GULP1: variants seen among roughly 807,000 people sequenced by gnomAD.
GULP1 encodes the protein PTB domain-containing engulfment adapter protein 1.
Under a neutral mutation model 40.9 loss-of-function variants are expected in GULP1, and 19 were observed. The ratio of observed to expected loss-of-function variants is 0.46; its 90% CI spans 0.32 to 0.68. The LOEUF is 0.68. Among genes scored for constraint, GULP1 ranks in the 30% least tolerant of loss-of-function variants. GULP1 has a pLI of 0.03. For missense variants in GULP1, 312 were observed against 362.2 expected, an observed-to-expected ratio of 0.86 and a Z score of 1.12; for synonymous variants, 119 against 117.6, an observed-to-expected ratio of 1.01 and a Z score of -0.08.
chr2:188,309,126 C>T (rs1038454724), intron 1 of GULP1, among the ~76,000 whole-genome samples: 2 of 152,006 alleles, frequency 1.3e-5, no homozygotes, highest in Admixed American at 6.6e-5. Context: ...TTTTTCTTTT[C>T]GATCCTGTCT....
At chr2:188,576,368 G>A (rs1157632336) in intron 9 of GULP1, among the ~76,000 whole-genome samples, 3 of 151,960 alleles carry the variant, frequency 2.0e-5, no homozygotes, top group African/African-American at 7.3e-5. Context: ...AATAATATGA[G>A]ACTACTTTTT....
At chr2:188,424,735 G>C (rs1042405503) in intron 2 of GULP1, among the ~76,000 whole-genome samples, 4 of 151,584 alleles carry the variant, frequency 2.6e-5, no homozygotes, top group Non-Finnish European at 5.9e-5. Context: ...CTTTATTTTA[G>C]TCTCTTTAAT....
chr2:188,337,100 ATC>A (rs2152110024), intron 1 of GULP1, among the ~76,000 whole-genome samples: 1 of 146,346 alleles, frequency 6.8e-6, no homozygotes, highest in Admixed American at 6.8e-5. Flanking sequence ...CTATATCTAT[ATC>A]TATATCTATA....
chr2:188,564,645 T>C (rs1288130098), intron 7 of GULP1, among the ~76,000 whole-genome samples: 1 of 151,922 alleles, frequency 6.6e-6, no homozygotes, highest in Non-Finnish European at 1.5e-5. Context: ...TTCTACCAAA[T>C]TGATCGATCC....
chr2:188,543,945 A>G (rs980133813), intron 7 of GULP1, among the ~76,000 whole-genome samples: 2 of 152,240 alleles, frequency 1.3e-5, no homozygotes, highest in East Asian at 3.9e-4. Context: ...TACTTTATTA[A>G]CAGTATCATG....
chr2:188,445,083 C>A (rs944891346), intron 2 of GULP1, among the ~76,000 whole-genome samples: 4 of 152,088 alleles, frequency 2.6e-5, no homozygotes, highest in Non-Finnish European at 5.9e-5. Context: ...TATGCAGAGA[C>A]TGAATTTTCA....
intron 1 of GULP1, among the ~76,000 whole-genome samples, chr2:188,297,150 CT>C (rs978235219): frequency 2.8e-3 from 411 of 147,858 alleles, no homozygotes; most frequent in African/African-American, 8.3e-3. Context: ...CCTAGAAATC[CT>C]TTTTTTTTTC....
At chr2:188,429,147 G>A (rs1297508530) in intron 2 of GULP1, among the ~76,000 whole-genome samples, 1 of 152,060 alleles carries the variant, frequency 6.6e-6, no homozygotes, top group Non-Finnish European at 1.5e-5. Flanking sequence ...TCCGCTCTCA[G>A]GTCTGAAGAT....
chr2:188,560,386 C>T (rs1695928525), intron 7 of GULP1, among the ~76,000 whole-genome samples: 1 of 152,220 alleles, frequency 6.6e-6, no homozygotes, highest in Non-Finnish European at 1.5e-5. Flanking sequence ...CAGACCTCCT[C>T]ACATTGGACT....
intron 7 of GULP1, among the ~76,000 whole-genome samples, chr2:188,550,790 A>G (rs1693262632): frequency 6.6e-6 from 1 of 151,462 alleles, no homozygotes; most frequent in Non-Finnish European, 1.5e-5. Context: ...TTATCAAAAT[A>G]AAAAATTAAT....
At chr2:188,506,746 C>A (rs1410455035) in intron 4 of GULP1, among the ~76,000 whole-genome samples, 1 of 151,984 alleles carries the variant, frequency 6.6e-6, no homozygotes, top group Non-Finnish European at 1.5e-5. Flanking sequence ...CCTTGTTATT[C>A]AGTAAGTAGT....
chr2:188,569,341 G>T lies in GULP1; in HGVS notation c.502G>T (p.Gly168Trp). 1.3e-6 allele frequency: 2 copies of T among 1,541,664 alleles called. No individual in the cohort carries two copies. Among genetic ancestry groups the T allele is most frequent in the Non-Finnish European group, 1.8e-6 (2 of 1,114,390 alleles). Residue 168 changes from glycine to tryptophan, a missense_variant, in exon 8 of 12, where the codon GGG (glycine) becomes TGG (tryptophan). Physicochemically the swap from Gly to Trp is radical, Grantham distance 184 (BLOSUM62 -2). Coordinates refer to ENST00000409830, the MANE Select transcript of GULP1 (RefSeq NM_016315.4). The part of the protein sequence containing the change: ...KDVETRKQIA[G>W]LQKRIQDLET... ...TGTTGAAACAAGAAAACAGATCGCAGGGTTACAAAAAAGAGTGAGTAAACT... is the reference window on the plus strand; with the variant it reads ...TGTTGAAACAAGAAAACAGATCGCATGGTTACAAAAAAGAGTGAGTAAACT...
chr2:188,591,944 G>C (rs376630968), intron 11 of GULP1: 1 of 151,732 alleles, frequency 6.6e-6, no homozygotes, highest in East Asian at 1.9e-4. Context: ...AGTAAATAAA[G>C]TCTCATTTTT....
At chr2:188,305,212 A>T (rs2036844525) in intron 1 of GULP1, among the ~76,000 whole-genome samples, 1 of 152,232 alleles carries the variant, frequency 6.6e-6, no homozygotes. Flanking sequence ...AAGGATGCAG[A>T]TGAAGAGATG....
intron 7 of GULP1, among the ~76,000 whole-genome samples, chr2:188,550,149 A>C (rs1284755410): frequency 1.3e-5 from 2 of 151,706 alleles, no homozygotes; most frequent in Admixed American, 1.3e-4. Context: ...TGTAAATCTA[A>C]ATTATCTGAA....
intron 2 of GULP1, among the ~76,000 whole-genome samples, chr2:188,431,693 A>G (rs536104577): frequency 6.6e-6 from 1 of 152,148 alleles, no homozygotes; most frequent in South Asian, 2.1e-4. Flanking sequence ...TCTTATCACG[A>G]CTTACAAAAA....
At chr2:188,518,569 C>T (rs2065419355) in intron 4 of GULP1, among the ~76,000 whole-genome samples, 1 of 152,064 alleles carries the variant, frequency 6.6e-6, no homozygotes, top group Non-Finnish European at 1.5e-5. Flanking sequence ...GGCAAGGTGA[C>T]TTTGACTTCA....
intron 2 of GULP1, among the ~76,000 whole-genome samples, chr2:188,385,090 G>T (rs144433489): frequency 6.6e-6 from 1 of 152,168 alleles, no homozygotes; most frequent in Non-Finnish European, 1.5e-5. Context: ...TAGGGACTCT[G>T]TGTGGGGGCT....
intron 2 of GULP1, among the ~76,000 whole-genome samples, chr2:188,459,084 C>A (rs966818419): frequency 6.6e-6 from 1 of 152,108 alleles, no homozygotes; most frequent in Admixed American, 6.5e-5. Context: ...TTCTTTTTGT[C>A]CATTCACCTG....
Sources: gnomAD v4.1 joint callset for allele counts (sites outside exome capture counted in the v4.1 genomes callset) on GRCh38, gnomAD v4.1.1 for gene constraint, MANE v1.5 for transcripts, NCBI Gene and HGNC (gene_info 2026-07-23, HGNC 2026-07-21) for gene names.